SERPINB2: variants seen among roughly 807,000 people sequenced by gnomAD.
SERPINB2 encodes the protein plasminogen activator inhibitor 2.
Under a neutral mutation model 39.4 loss-of-function variants are expected in SERPINB2, and 28 were observed. The observed-to-expected ratio is 0.71, with a 90% CI of 0.53 to 0.97. The LOEUF (loss-of-function observed/expected upper bound fraction) is 0.97, where lower values mean the gene tolerates loss of function less well. Ranked by LOEUF, SERPINB2 falls within the 50% of genes least tolerant of loss-of-function variation. The pLI is 0.00. For missense variants in SERPINB2, 557 were observed against 505.3 expected (o/e 1.10, Z -0.98); for synonymous variants, 209 against 175.1 (o/e 1.19, Z -1.53).
chr18:63,892,643 C>T (rs193277202), intron 2 of SERPINB2: 2 of 152,220 alleles, frequency 1.3e-5, no homozygotes, highest in Admixed American at 1.3e-4. Context: ...ACATTCTTTC[C>T]ATGCACATGG....
At position 63,897,214 on chromosome 18, in the gene SERPINB2, C is replaced by T. The variant is rs776884825; in HGVS notation, c.412C>T (p.Arg138Trp). ...KLFGEKSASF[R>W]EEYIRLCQKY... is the part of the protein sequence containing the mutation. ...GTTTGGTGAGAAGTCTGCGAGCTTC[C>T]GGGAAGTAAGTGAAACCTGTAATTG... Residue 138 changes from arginine (R) to tryptophan (W), a missense_variant, in exon 4 of 8, where the codon CGG (arginine) becomes TGG (tryptophan). Coordinates refer to ENST00000299502, the MANE Select transcript of SERPINB2 (RefSeq NM_002575.3). The T allele has an allele frequency of 4.0e-5, 64 of 1,606,950 alleles. No individual in the cohort carries two copies. The highest frequency in any genetic ancestry group is 8.1e-5 in the African/African-American group (6 of 74,422).
chr18:63,902,510 T>A lies in SERPINB2; in HGVS notation c.785T>A (p.Val262Asp), dbSNP rs765843154. The stretch of plus-strand genomic sequence containing the variant: ...CTAGAACTCCCATATGCTGGAGATG[T>A]TAGCATGTTCTTGTTGCTTCCAGAT... ...QILELPYAGD[V>D]SMFLLLPDEI... is the part of the protein sequence containing the mutation. The change falls in exon 7 of 8, where the codon GTT (valine) becomes GAT (aspartate). Residue 262 changes from valine (V) to aspartate (D), a missense_variant. Physicochemically the swap from Val to Asp is radical, Grantham distance 152. Transcript: ENST00000299502. 5.6e-6 allele frequency: 9 copies of A among 1,613,660 alleles called. No homozygotes were observed. The South Asian group carries it at 9.9e-5, about 18-fold the overall frequency.
At chr18:63,896,641 A>G (rs1379432693) in intron 3 of SERPINB2, among the ~76,000 whole-genome samples, 1 of 152,244 alleles carries the variant, frequency 6.6e-6, no homozygotes, top group Non-Finnish European at 1.5e-5. Flanking sequence ...TATAGTGAGG[A>G]CACTTAAAAA....
chr18:63,890,256 G>A (rs1330558259), intron 1 of SERPINB2, among the ~76,000 whole-genome samples: 4 of 151,994 alleles, frequency 2.6e-5, no homozygotes, highest in South Asian at 4.1e-4. Context: ...AGAAAGAAGC[G>A]ACCAATGGTC....
rs371130214 is a variant in SERPINB2, at chr18:63,891,554, C to A, written c.110C>A (p.Ser37Tyr). ...NLFLSPWSISSTMAMVYMGSR... is the reference protein window; with the variant it reads ...NLFLSPWSISYTMAMVYMGSR... ...TTCCTCTCCCCATGGAGCATCTCGT[C>A]CACCATGGCCATGGTCTACATGGGC... The change falls in exon 2 of 8, where the codon TCC (serine) becomes TAC (tyrosine). Residue 37 changes from serine to tyrosine, a missense_variant. Coordinates refer to ENST00000299502, the MANE Select transcript of SERPINB2 (RefSeq NM_002575.3). 1.9e-6 allele frequency: 3 copies of A among 1,614,052 alleles called. No individual in the cohort carries two copies. Among genetic ancestry groups the A allele is most frequent in the Non-Finnish European group, 2.5e-6 (3 of 1,180,006 alleles).
chr18:63,888,502 C>G (rs1035524479), intron 1 of SERPINB2, among the ~76,000 whole-genome samples: 3 of 152,226 alleles, frequency 2.0e-5, no homozygotes, highest in Non-Finnish European at 4.4e-5. Flanking sequence ...GTTGTTTTCT[C>G]TTAGTTCTCA....
intron 2 of SERPINB2, among the ~76,000 whole-genome samples, 178 bp downstream of exon 2, chr18:63,891,790 C>G (rs183235770): frequency 1.3e-5 from 2 of 152,322 alleles, no homozygotes; most frequent in Admixed American, 1.3e-4. Context: ...GACAGCCAAG[C>G]CCCCGAATCC....
chr18:63,887,932 A>G (rs1028432146), intron 1 of SERPINB2, among the ~76,000 whole-genome samples, 162 bp downstream of exon 1: 1 of 152,212 alleles, frequency 6.6e-6, no homozygotes, highest in African/African-American at 2.4e-5. Flanking sequence ...AATTGAAAAT[A>G]TTTTATTTCA....
At chr18:63,902,806 T>C (rs2050001225) in intron 7 of SERPINB2, 95 bp from the exon 8 acceptor site, 1 of 1,317,620 alleles carries the variant, frequency 7.6e-7, no homozygotes, top group Admixed American at 2.9e-5. Flanking sequence ...TATAGTAAAG[T>C]CACTGATTTT....
chr18:63,894,716 T>C (rs2049947858), intron 2 of SERPINB2, among the ~76,000 whole-genome samples: 1 of 152,248 alleles, frequency 6.6e-6, no homozygotes, highest in Admixed American at 6.5e-5. Flanking sequence ...CAGACCAACT[T>C]GTCCCTCACA....
At chr18:63,890,821 A>G (rs1278370700) in intron 1 of SERPINB2, 1 of 152,538 alleles carries the variant, frequency 6.6e-6, no homozygotes, top group Admixed American at 6.5e-5. Context: ...TGAAACTCCA[A>G]ACCTTCAAAC....
At chr18:63,896,158 A>T (rs888449495) in intron 3 of SERPINB2, among the ~76,000 whole-genome samples, 5 of 152,162 alleles carry the variant, frequency 3.3e-5, no homozygotes, top group Non-Finnish European at 7.4e-5. Context: ...CCTTCTACCC[A>T]TTGCCCAGGG....
chr18:63,899,204 T>C (rs919106804), intron 5 of SERPINB2, among the ~76,000 whole-genome samples: 1 of 152,226 alleles, frequency 6.6e-6, no homozygotes, highest in African/African-American at 2.4e-5. Context: ...TGATCTTTTC[T>C]TCTTCTCATC....
rs2050007450 is a variant in SERPINB2, at chr18:63,903,368, T to C, written c.*63T>C. On this transcript the variant is annotated 3_prime_UTR_variant, in exon 8 of 8. Transcript: ENST00000299502. The stretch of plus-strand genomic sequence containing the variant: ...TGAGCTGTGTGCCTCAGAATTGCTA[T>C]TTCAAATTGCCAAAAATTTAGAGAT... 27 of 1,437,398 alleles carry C rather than the reference T, an allele frequency of 1.9e-5. No homozygotes were observed. Among genetic ancestry groups the C allele is most frequent in the Middle Eastern group, 1.9e-4 (1 of 5,374 alleles). The allele number at this position is 1,437,398 out of a possible 1,614,324, so 89.0% of individuals were successfully genotyped here.
At position 63,903,233 on chromosome 18, in the gene SERPINB2, T is replaced by A. The variant is rs1477399482; in HGVS notation, c.1176T>A (p.His392Gln). Residue 392 changes from histidine to glutamine, a missense_variant, in exon 8 of 8, where the codon CAT becomes CAA. His to Gln is a conservative substitution (Grantham distance 24). Coordinates refer to ENST00000299502, the MANE Select transcript of SERPINB2 (RefSeq NM_002575.3). ...GHGGPQFVAD[H>Q]PFLFLIMHKI... ...GAGGCCCACAGTTTGTGGCAGATCA[T>A]CCTTTTCTTTTTCTTATTATGCATA... is the stretch of plus-strand genomic sequence containing the variant. The A allele has an allele frequency of 6.2e-7, 1 of 1,600,556 alleles. No homozygotes were observed.
chr18:63,898,131 T>G (rs1459327610), intron 5 of SERPINB2, among the ~76,000 whole-genome samples: 1 of 152,204 alleles, frequency 6.6e-6, no homozygotes, highest in Admixed American at 6.5e-5. Context: ...ATAGGAAATA[T>G]CAGCATTGAA....
At chr18:63,901,646 T>G (rs2049991678) in intron 5 of SERPINB2, 94 bp from the exon 6 acceptor site, 1 of 862,180 alleles carries the variant, frequency 1.2e-6, no homozygotes, top group East Asian at 3.0e-5. Context: ...CTCTGCAATT[T>G]GAAGAATTTA....
intron 6 of SERPINB2, 33 bp from the exon 7 acceptor site, chr18:63,902,371 C>T (rs377682684): frequency 1.7e-4 from 249 of 1,508,030 alleles, no homozygotes; most frequent in Middle Eastern, 5.3e-4. Flanking sequence ...ATCTTATAAT[C>T]GACTTCCATA....
At chr18:63,901,016 C>T (rs192290823) in intron 5 of SERPINB2, among the ~76,000 whole-genome samples, 37 of 152,096 alleles carry the variant, frequency 2.4e-4, no homozygotes, top group Non-Finnish European at 3.5e-4. Context: ...TACTGCAGAG[C>T]GAGTACTAAC....
Sources: allele counts gnomAD v4.1 joint callset (sites outside exome capture counted in the v4.1 genomes callset), GRCh38; gene constraint gnomAD v4.1.1; transcripts MANE v1.5; gene names NCBI Gene and HGNC (gene_info 2026-07-23, HGNC 2026-07-21).